Variants in USH2A observed in about 807,000 individuals in gnomAD.
USH2A encodes Usher syndrome 2A (autosomal recessive, mild).
Under a neutral mutation model 538.9 loss-of-function variants are expected in USH2A, and 443 were observed. The ratio of observed to expected loss-of-function variants is 0.82; its 90% CI spans 0.76 to 0.89. The LOEUF is 0.89. Ranked by LOEUF, USH2A falls within the 40% of genes least tolerant of loss-of-function variation. The probability of loss-of-function intolerance (pLI) is 0.00; values close to 1 mark genes in which losing one functional copy is unlikely to be tolerated. For missense variants in USH2A, 6,633 were observed against 6,324.8 expected, an observed-to-expected ratio of 1.05 and a Z score of -1.65; for synonymous variants, 2,413 against 2,273.5, an observed-to-expected ratio of 1.06 and a Z score of -1.75.
Position 216,308,059 on chromosome 1 carries a change from G to C in USH2A, c.1644+13824C>G, listed in dbSNP as rs192820398. Among the ~76,000 whole-genome samples the C allele has an allele frequency of 2.2e-4, 33 of 152,248 alleles. No homozygotes were observed. The East Asian group carries it at 3.9e-3, about 18-fold the overall frequency. ...GATGTGTGTCTTCACATGCTGCTCTGTCTGTCCGAGGGGGAGCTGCAAGTT... is the reference window on the plus strand; with the variant it reads ...GATGTGTGTCTTCACATGCTGCTCTCTCTGTCCGAGGGGGAGCTGCAAGTT... On this transcript the variant is annotated intron_variant, in intron 9 of 71. Coordinates refer to ENST00000307340, the MANE Select transcript of USH2A (RefSeq NM_206933.4).
chr1:215,678,035 A>G (rs774249398), intron 62 of USH2A, among the ~76,000 whole-genome samples: 1 of 152,062 alleles, frequency 6.6e-6, no homozygotes, highest in Non-Finnish European at 1.5e-5. Context: ...TCATTAACAC[A>G]TTTTGTCATC....
chr1:216,413,572 C>T (rs1032771754), intron 3 of USH2A, among the ~76,000 whole-genome samples: 9 of 152,058 alleles, frequency 5.9e-5, no homozygotes, highest in Admixed American at 5.9e-4. Flanking sequence ...ACTTCATGAA[C>T]TGTGATTATG....
At chr1:216,377,038 T>A (rs984131556) in intron 3 of USH2A, among the ~76,000 whole-genome samples, 3 of 152,198 alleles carry the variant, frequency 2.0e-5, no homozygotes, top group Admixed American at 2.0e-4. Context: ...AGCCATTTTG[T>A]GTCTTCTTAG....
intron 35 of USH2A, among the ~76,000 whole-genome samples, chr1:215,987,302 T>C (rs1043879583): frequency 7.2e-5 from 11 of 152,200 alleles, no homozygotes; most frequent in Non-Finnish European, 8.8e-5. Flanking sequence ...AGGTCACAAA[T>C]GTATTAGACA....
intron 64 of USH2A, among the ~76,000 whole-genome samples, chr1:215,657,659 G>A (rs776627126): frequency 4.6e-5 from 7 of 152,162 alleles, no homozygotes; most frequent in Non-Finnish European, 8.8e-5. Context: ...AAGATAGAAC[G>A]TGATTTTAAT....
At chr1:215,834,411 G>A (rs1663416583) in intron 47 of USH2A, among the ~76,000 whole-genome samples, 1 of 152,116 alleles carries the variant, frequency 6.6e-6, no homozygotes, top group Non-Finnish European at 1.5e-5. Context: ...AATCTTAAAT[G>A]CATTATGCTA....
intron 5 of USH2A, 99 bp from the exon 6 acceptor site, chr1:216,325,698 A>T: frequency 8.7e-7 from 1 of 1,154,474 alleles, no homozygotes; most frequent in Non-Finnish European, 1.2e-6. Context: ...TAGTGCTTTC[A>T]TGAGTATCCA....
At chr1:216,227,548 A>G (rs1328818786) in intron 14 of USH2A, among the ~76,000 whole-genome samples, 5 of 152,178 alleles carry the variant, frequency 3.3e-5, no homozygotes, top group East Asian at 1.9e-4. Context: ...GAATGGAGGA[A>G]CAAGAGTAGG....
chr1:216,016,387 T>C (rs1668712372), intron 32 of USH2A, among the ~76,000 whole-genome samples: 1 of 152,086 alleles, frequency 6.6e-6, no homozygotes, highest in Non-Finnish European at 1.5e-5. Context: ...AAGAAATCGC[T>C]TTGCTATGAT....
intron 32 of USH2A, among the ~76,000 whole-genome samples, chr1:216,035,271 C>T (rs1669222893): frequency 6.6e-6 from 1 of 152,094 alleles, no homozygotes; most frequent in Non-Finnish European, 1.5e-5. Flanking sequence ...AAGGTGGGCC[C>T]AAATCCAATA....
intron 58 of USH2A, among the ~76,000 whole-genome samples, chr1:215,750,890 T>C (rs1221208574): frequency 6.6e-6 from 1 of 152,156 alleles, no homozygotes; most frequent in African/African-American, 2.4e-5. Context: ...TATGTTAATC[T>C]CTTAGCAAAA....
intron 44 of USH2A, among the ~76,000 whole-genome samples, chr1:215,850,156 A>G (rs2102826858): frequency 6.6e-6 from 1 of 152,224 alleles, no homozygotes; most frequent in South Asian, 2.1e-4. Flanking sequence ...CAATATTAAC[A>G]ATAATAATAA....
intron 58 of USH2A, 44 bp from the exon 59 acceptor site, chr1:215,743,379 T>C: frequency 2.3e-6 from 1 of 440,206 alleles, no homozygotes; most frequent in Non-Finnish European, 3.6e-6. Flanking sequence ...AACATATATA[T>C]ATATATATGT....
rs771952509 is a variant in USH2A, at chr1:216,247,234, TAAAATATATTTAA to T, written c.2168-21_2168-9del. On this transcript the variant is annotated splice_polypyrimidine_tract_variant and intron_variant, in intron 12 of 71. Coordinates refer to ENST00000307340, the MANE Select transcript of USH2A (RefSeq NM_206933.4). The stretch of plus-strand genomic sequence containing the variant: ...AATGATCACACCTAAGCCCTAAAGA[TAAAATATATTTAA>T]AAGGTGAGGATGGGAAAATGATTTC... The T allele has an allele frequency of 6.2e-7, 1 of 1,613,610 alleles. No individual in the cohort carries two copies. Among genetic ancestry groups the T allele is most frequent in the Non-Finnish European group, 8.5e-7 (1 of 1,179,768 alleles).
chr1:215,650,915 A>C, intron 64 of USH2A, 114 bp from the exon 65 acceptor site: 6 of 1,082,714 alleles, frequency 5.5e-6, no homozygotes, highest in Non-Finnish European at 8.1e-6. Context: ...ACTAAACACA[A>C]CAGGAAGAGA....
intron 38 of USH2A, among the ~76,000 whole-genome samples, chr1:215,918,551 T>G (rs546311169): frequency 2.4e-3 from 369 of 152,264 alleles, no homozygotes; most frequent in Middle Eastern, 0.01. Context: ...GAAATACTTT[T>G]CTGTTGCTTG....
intron 47 of USH2A, among the ~76,000 whole-genome samples, chr1:215,829,822 G>A (rs1208362471): frequency 6.6e-6 from 1 of 152,062 alleles, no homozygotes; most frequent in Non-Finnish European, 1.5e-5. Context: ...GCCAATATTT[G>A]GTTATGAATG....
intron 65 of USH2A, 57 bp downstream of exon 65, chr1:215,650,535 T>A: frequency 6.3e-7 from 1 of 1,598,788 alleles, no homozygotes; most frequent in South Asian, 1.1e-5. Flanking sequence ...AACAAAGGTT[T>A]CATAGTAATG....
Position 216,097,107 on chromosome 1 carries a change from A to G in USH2A, c.4734T>C (p.Arg1578=), listed in dbSNP as rs1249244739. ...CCTGAGGATCAAAAAGAAAATAAAG[A>G]CGTCCCTTCTTCAACTGAAGTGCAA... ...EYFALQLKKG[R]LYFLFDPQGS... is the part of the protein sequence containing the mutation. The change falls in exon 22 of 72, where the codon CGT becomes CGC. Residue 1578 remains arginine (R), a synonymous_variant. Transcript: ENST00000307340. The G allele has an allele frequency of 6.2e-7, 1 of 1,613,990 alleles. No individual in the cohort carries two copies. The highest frequency in any genetic ancestry group is 2.2e-5 in the East Asian group (1 of 44,870).
Sources: gnomAD v4.1 joint callset for allele counts (sites outside exome capture counted in the v4.1 genomes callset) on GRCh38, gnomAD v4.1.1 for gene constraint, MANE v1.5 for transcripts, NCBI Gene and HGNC (gene_info 2026-07-23, HGNC 2026-07-21) for gene names.